The following IMPDH1 variants were observed in gnomAD, a reference collection of about 807,000 sequenced individuals.
IMPDH1 encodes inosine monophosphate dehydrogenase 1.
In IMPDH1, 41 loss-of-function variants were observed where a neutral mutation model predicts 73.5. That is an observed-to-expected ratio of 0.56 (90% CI 0.43 to 0.72). The LOEUF is 0.72. Ranked by LOEUF, IMPDH1 falls within the 30% of genes least tolerant of loss-of-function variation. IMPDH1 has a pLI of 0.00. For synonymous variants in IMPDH1, 318 were observed against 334.3 expected (o/e 0.95, Z 0.53); for missense variants, 645 against 824.8 (o/e 0.78, Z 2.67).
Position 128,398,723 on chromosome 7 carries a change from A to G in IMPDH1, c.875-110T>C. On this transcript the variant is annotated intron_variant, in intron 9 of 16. Transcript: ENST00000338791. The surrounding 1 kb of genome is among the most constrained non-coding windows in gnomAD (Gnocchi z 4.3). ...ACCACTCCAGAGATTCCACTGAAGT[A>G]CCCCAGTCAGCCACTAGGTGACAGC... 1.2e-6 allele frequency: 1 copy of G among 865,796 alleles called. No homozygotes were observed. The highest frequency in any genetic ancestry group is 1.9e-5 in the Admixed American group (1 of 53,028). 53.6% of individuals were successfully genotyped at this position (865,796 alleles called of 1,614,324 possible).
chr7:128,409,185 A>G (rs1798971268), intron 3 of IMPDH1, 104 bp downstream of exon 3: 1 of 1,028,122 alleles, frequency 9.7e-7, no homozygotes, highest in African/African-American at 1.6e-5. Flanking sequence ...ATTCCCCTAC[A>G]GACCCCAGCA....
chr7:128,394,557 G>A lies in IMPDH1; in HGVS notation c.1593C>T (p.Ser531=), dbSNP rs763772446. 22 of 1,613,718 alleles carry A rather than the reference G, an allele frequency of 1.4e-5. No individual in the cohort carries two copies. The highest frequency in any genetic ancestry group is 1.6e-5 in the Non-Finnish European group (19 of 1,179,918). ...KVKIAQGVSG[S]IQDKGSIQKF... Reference sequence around the variant, plus strand: ...TCTGAATGGATCCTTTGTCCTGGATGGAGCCCGAGACACCCTGCGCGATCT... The same window carrying A: ...TCTGAATGGATCCTTTGTCCTGGATAGAGCCCGAGACACCCTGCGCGATCT... Residue 531 remains serine (S), a synonymous_variant, in exon 15 of 17, where the codon TCC becomes TCT. Coordinates refer to ENST00000338791, the MANE Select transcript of IMPDH1 (RefSeq NM_000883.4). The surrounding 1 kb of genome is among the most constrained non-coding windows in gnomAD (Gnocchi z 5.5).
At position 128,393,003 on chromosome 7, in the gene IMPDH1, G is replaced by T; in HGVS notation, c.*4C>A. The T allele has an allele frequency of 1.2e-6, 2 of 1,613,838 alleles. No homozygotes were observed. Among genetic ancestry groups the T allele is most frequent in the Non-Finnish European group, 1.7e-6 (2 of 1,179,808 alleles). On this transcript the variant is annotated 3_prime_UTR_variant, in exon 17 of 17. Transcript: ENST00000338791. ...CTCCACCACCTCGGCCTCCACCGCT[G>T]TCCTCAGTACAGCCGCTTTTCGTAA...
intron 3 of IMPDH1, among the ~76,000 whole-genome samples, chr7:128,407,916 T>G (rs1199185200): frequency 6.6e-6 from 1 of 152,160 alleles, no homozygotes; most frequent in African/African-American, 2.4e-5. Flanking sequence ...TCCCCTCTCC[T>G]GCTCCCCTAC....
intron 9 of IMPDH1, among the ~76,000 whole-genome samples, chr7:128,399,727 T>A (rs960510155): frequency 2.0e-5 from 3 of 152,164 alleles, no homozygotes; most frequent in Non-Finnish European, 4.4e-5. Flanking sequence ...TGGAAAATAT[T>A]ATAAAAACAG....
At chr7:128,406,525 G>C (rs1798791155) in intron 3 of IMPDH1, among the ~76,000 whole-genome samples, 1 of 151,864 alleles carries the variant, frequency 6.6e-6, no homozygotes, top group Admixed American at 6.6e-5. Flanking sequence ...CGACATCCTA[G>C]GGAGCCGGCA....
rs540650147 is a variant in IMPDH1, at chr7:128,398,224, T to C, written c.1074+190A>G. On this transcript the variant is annotated intron_variant, in intron 10 of 16. Coordinates refer to ENST00000338791, the MANE Select transcript of IMPDH1 (RefSeq NM_000883.4). The surrounding 1 kb of genome is among the most constrained non-coding windows in gnomAD (Gnocchi z 4.3). The stretch of plus-strand genomic sequence containing the variant: ...GGCACGATCCTAGCTCACTGTGACC[T>C]TGAACCTCTGAGCTCAGGCAATCCT... Among the ~76,000 whole-genome samples the C allele has an allele frequency of 1.4e-3, 218 of 152,314 alleles. 1 individual carries two copies. Among genetic ancestry groups the C allele is most frequent in the Non-Finnish European group, 2.5e-3 (167 of 68,018 alleles).
chr7:128,408,672 A>G (rs185354178), intron 3 of IMPDH1, among the ~76,000 whole-genome samples: 7 of 152,262 alleles, frequency 4.6e-5, no homozygotes, highest in Admixed American at 4.6e-4. Flanking sequence ...CTGAAACATT[A>G]TGTTTGCAAC....
At chr7:128,402,551 G>C (rs1220959810) in intron 5 of IMPDH1, among the ~76,000 whole-genome samples, 1 of 152,170 alleles carries the variant, frequency 6.6e-6, no homozygotes, top group South Asian at 2.1e-4. Flanking sequence ...AGAATCATTC[G>C]AATTTCCCCC....
In IMPDH1 at chr7:128,398,125, T is replaced by C. The variant is rs893827120; in HGVS notation, c.1074+289A>G. 1.3e-5 allele frequency among the ~76,000 whole-genome samples: 2 copies of C among 152,250 alleles called. No individual in the cohort carries two copies. Among genetic ancestry groups the C allele is most frequent in the African/African-American group, 4.8e-5 (2 of 41,464 alleles). On this transcript the variant is annotated intron_variant, in intron 10 of 16. Coordinates refer to ENST00000338791, the MANE Select transcript of IMPDH1 (RefSeq NM_000883.4). This position sits in a 1 kb window ranked among gnomAD's most constrained non-coding sequence, Gnocchi z 4.3. ...TTAACTTGTTTGTTTTCTTTCTTTG[T>C]ATCTCAGATGACACAAACCATTGTT...
intron 5 of IMPDH1, among the ~76,000 whole-genome samples, chr7:128,403,388 T>A (rs1798473341): frequency 6.6e-6 from 1 of 152,026 alleles, no homozygotes; most frequent in Admixed American, 6.6e-5. Context: ...TGAAACCCCG[T>A]CTCCACTAAA....
intron 3 of IMPDH1, among the ~76,000 whole-genome samples, chr7:128,408,285 A>T (rs995715771): frequency 5.9e-5 from 9 of 152,328 alleles, no homozygotes; most frequent in Non-Finnish European, 1.0e-4. Flanking sequence ...GGCTATTTGA[A>T]GGAACAAGAT....
intron 5 of IMPDH1, 144 bp downstream of exon 5, chr7:128,403,562 A>G (rs1360828675): frequency 2.0e-6 from 1 of 497,292 alleles, no homozygotes; most frequent in Non-Finnish European, 3.5e-6. Flanking sequence ...TGTCTCCAAA[A>G]AAAAAAAAAA....
At position 128,398,524 on chromosome 7, in the gene IMPDH1, A is replaced by G; in HGVS notation, c.964T>C (p.Ser322Pro). ...LKKNRDYPLA[S>P]KDSQKQLLCG... Reference sequence around the variant, plus strand: ...AGCAGCTGCTTCTGGGAATCCTTGGAGGCCAGAGGGTAGTCTCGGTTCTTC... The same window carrying G: ...AGCAGCTGCTTCTGGGAATCCTTGGGGGCCAGAGGGTAGTCTCGGTTCTTC... The change falls in exon 10 of 17, where the codon TCC (serine) becomes CCC (proline). Residue 322 changes from serine (S) to proline (P), a missense_variant. Physicochemically the swap from Ser to Pro is moderately conservative, Grantham distance 74. Transcript: ENST00000338791. The surrounding 1 kb of genome is among the most constrained non-coding windows in gnomAD (Gnocchi z 4.3). 1.9e-6 allele frequency: 3 copies of G among 1,613,744 alleles called. No homozygotes were observed. Among genetic ancestry groups the G allele is most frequent in the Non-Finnish European group, 2.5e-6 (3 of 1,179,796 alleles).
At position 128,392,906 on chromosome 7, in the gene IMPDH1, G is replaced by T. The variant is rs1028625061; in HGVS notation, c.*101C>A. ...TGCCTGGAAAGGAGCTGGAGAACCC[G>T]TAGTGCAAATCTGTGGACCACTCAG... On this transcript the variant is annotated 3_prime_UTR_variant, in exon 17 of 17. Coordinates refer to ENST00000338791, the MANE Select transcript of IMPDH1 (RefSeq NM_000883.4). 8.5e-7 allele frequency: 1 copy of T among 1,175,442 alleles called. No individual in the cohort carries two copies. The highest frequency in any genetic ancestry group is 1.5e-5 in the African/African-American group (1 of 66,492). The allele number at this position is 1,175,442 out of a possible 1,614,324, so 72.8% of individuals were successfully genotyped here.
chr7:128,392,865 G>A lies in IMPDH1; in HGVS notation c.*142C>T. The stretch of plus-strand genomic sequence containing the variant: ...GAGTGAGGGGCAGCAGTCCCCTCAG[G>A]ACCTCCCCTCCTCTCTGCCTGGAAA... On this transcript the variant is annotated 3_prime_UTR_variant, in exon 17 of 17. Transcript: ENST00000338791. The A allele has an allele frequency of 1.2e-6, 1 of 803,714 alleles. No individual in the cohort carries two copies. Among genetic ancestry groups the A allele is most frequent in the Non-Finnish European group, 2.1e-6 (1 of 477,844 alleles). 49.8% of individuals were successfully genotyped at this position (803,714 alleles called of 1,614,324 possible).
intron 1 of IMPDH1, 88 bp downstream of exon 1, chr7:128,409,668 C>G: frequency 1.3e-6 from 2 of 1,512,886 alleles, no homozygotes; most frequent in South Asian, 1.2e-5. Context: ...TGCCCCTCCC[C>G]CGCAGCGTCG....
chr7:128,394,705 C>T lies in IMPDH1; in HGVS notation c.1551-106G>A. 6.8e-7 allele frequency: 1 copy of T among 1,466,992 alleles called. No homozygotes were observed. The highest frequency in any genetic ancestry group is 9.4e-7 in the Non-Finnish European group (1 of 1,062,932). 90.9% of individuals were successfully genotyped at this position (1,466,992 alleles called of 1,614,324 possible). On this transcript the variant is annotated intron_variant, in intron 14 of 16. Coordinates refer to ENST00000338791, the MANE Select transcript of IMPDH1 (RefSeq NM_000883.4). This position sits in a 1 kb window ranked among gnomAD's most constrained non-coding sequence, Gnocchi z 5.5. ...TACCGCCCAGGAAGGTCCCCCAGGC[C>T]ACCCCTCACTGGGCTGAGTCAGATG...
chr7:128,399,040 C>G (rs1038424322), intron 9 of IMPDH1, among the ~76,000 whole-genome samples: 5 of 152,194 alleles, frequency 3.3e-5, no homozygotes, highest in Non-Finnish European at 5.9e-5. Context: ...CCAACAGGGA[C>G]CTGGTGAATA....
Sources: gnomAD v4.1 joint callset for allele counts (sites outside exome capture counted in the v4.1 genomes callset) on GRCh38, gnomAD v4.1.1 for gene constraint, Gnocchi (gnomAD v3.1) non-coding constraint, MANE v1.5 for transcripts, NCBI Gene and HGNC (gene_info 2026-07-23, HGNC 2026-07-21) for gene names.